The following GSE1 variants were observed in gnomAD, a reference collection of about 807,000 sequenced individuals.
GSE1 encodes Gse1 coiled-coil protein.
In GSE1, 32 loss-of-function variants were observed where a neutral mutation model predicts 112.6. That is an observed-to-expected ratio of 0.28 (90% CI 0.21 to 0.38). The LOEUF is 0.38. Ranked by LOEUF, GSE1 falls within the 10% of genes least tolerant of loss-of-function variation. The pLI is 1.00. For missense variants in GSE1, 2,348 were observed against 1,699.2 expected (o/e 1.38, Z -6.71); for synonymous variants, 1,115 against 735.6 (o/e 1.52, Z -8.35).
chr16:85,602,477 C>T (rs2047509945), intron 1 of GSE1, among the ~76,000 whole-genome samples: 1 of 152,144 alleles, frequency 6.6e-6, no homozygotes, highest in South Asian at 2.1e-4. Context: ...TAGAACCGCT[C>T]CTGGTCTGCC....
intron 1 of GSE1, among the ~76,000 whole-genome samples, chr16:85,184,125 G>T (rs150410273): frequency 6.6e-6 from 1 of 152,340 alleles, no homozygotes; most frequent in Non-Finnish European, 1.5e-5. Flanking sequence ...GGCTTCTGAG[G>T]ATCCTCTGCA....
chr16:85,610,150 CGCACCAGGCACCA>C (rs2047902168), upstream of GSE1, among the ~76,000 whole-genome samples: 1 of 152,196 alleles, frequency 6.6e-6, no homozygotes, highest in Non-Finnish European at 1.5e-5. Flanking sequence ...TGAGCAAACG[CGCACCAGGCACCA>C]GCATCCTGTT....
chr16:85,616,258 G>T (rs1191015280), intron 1 of GSE1, among the ~76,000 whole-genome samples: 1 of 152,262 alleles, frequency 6.6e-6, no homozygotes, highest in East Asian at 1.9e-4. Flanking sequence ...GAGGCGGACT[G>T]GGGGGCCTTT....
intron 2 of GSE1, among the ~76,000 whole-genome samples, chr16:85,487,113 C>T (rs2050866899): frequency 6.6e-6 from 1 of 152,142 alleles, no homozygotes; most frequent in Non-Finnish European, 1.5e-5. Context: ...AGCGGATGGG[C>T]TCTCTGTCCA....
At chr16:85,475,953 C>A (rs963120286) in intron 2 of GSE1, among the ~76,000 whole-genome samples, 4 of 151,944 alleles carry the variant, frequency 2.6e-5, no homozygotes, top group African/African-American at 9.7e-5. Context: ...ATTATTGAGA[C>A]ATGGTCTCTC....
At chr16:85,542,112 GT>G (rs78429171) in intron 2 of GSE1, among the ~76,000 whole-genome samples, 55,143 of 152,016 alleles carry the variant, frequency 0.36, 10,290 homozygotes, top group Middle Eastern at 0.49. Flanking sequence ...GACCTTCTGG[GT>G]TGGAGGAGGG....
At chr16:85,265,179 TAGC>T (rs1399104832) in intron 1 of GSE1, among the ~76,000 whole-genome samples, 1 of 152,178 alleles carries the variant, frequency 6.6e-6, no homozygotes, top group Non-Finnish European at 1.5e-5. Flanking sequence ...GGCAAACAAG[TAGC>T]AGAATTAGAA....
intron 2 of GSE1, among the ~76,000 whole-genome samples, chr16:85,454,763 C>A (rs1420766800): frequency 6.6e-6 from 1 of 152,136 alleles, no homozygotes; most frequent in African/African-American, 2.4e-5. Context: ...ACTCCAGGCT[C>A]TGCCTCCATC....
At chr16:85,525,107 C>T (rs1274191232) in intron 2 of GSE1, among the ~76,000 whole-genome samples, 1 of 152,192 alleles carries the variant, frequency 6.6e-6, no homozygotes, top group Non-Finnish European at 1.5e-5. Context: ...GTTTCGCCAG[C>T]CTCCTGGCCT....
At chr16:85,471,937 A>T (rs1597859476) in intron 2 of GSE1, among the ~76,000 whole-genome samples, 1 of 152,166 alleles carries the variant, frequency 6.6e-6, no homozygotes, top group African/African-American at 2.4e-5. Flanking sequence ...TCATGGGGGA[A>T]ATCTGATGAG....
chr16:85,292,893 G>T (rs965620402), intron 1 of GSE1, among the ~76,000 whole-genome samples: 19 of 152,214 alleles, frequency 1.2e-4, no homozygotes, highest in Non-Finnish European at 1.3e-4. Flanking sequence ...ATTACCTCTT[G>T]TGATGAATAG....
chr16:85,580,797 G>A (rs74031853), intron 1 of GSE1, among the ~76,000 whole-genome samples: 3,529 of 152,338 alleles, frequency 0.023, 146 homozygotes, highest in African/African-American at 0.079. Context: ...CAGAGAGTGC[G>A]CTGTCTCCGT....
At chr16:85,422,984 A>C (rs2048885593) in intron 2 of GSE1, among the ~76,000 whole-genome samples, 1 of 152,180 alleles carries the variant, frequency 6.6e-6, no homozygotes, top group Non-Finnish European at 1.5e-5. Flanking sequence ...CCTGGCTTTT[A>C]AATAGCACCT....
chr16:85,376,403 A>G (rs1330280187), intron 2 of GSE1, among the ~76,000 whole-genome samples: 2 of 152,114 alleles, frequency 1.3e-5, no homozygotes, highest in Non-Finnish European at 2.9e-5. Context: ...CTCCCGGCCC[A>G]TTAGGGCTGG....
intron 2 of GSE1, among the ~76,000 whole-genome samples, chr16:85,384,365 TC>T: frequency 6.6e-6 from 1 of 152,132 alleles, no homozygotes; most frequent in Non-Finnish European, 1.5e-5. Flanking sequence ...GGGCTCCACT[TC>T]CTCCCACCTC....
At chr16:85,577,294 C>G (rs918563872) in intron 1 of GSE1, among the ~76,000 whole-genome samples, 1 of 152,160 alleles carries the variant, frequency 6.6e-6, no homozygotes, top group Non-Finnish European at 1.5e-5. Context: ...GTGATCACCT[C>G]GAGGAGGGAG....
At chr16:85,615,134 C>T (rs1342539782) in intron 1 of GSE1, among the ~76,000 whole-genome samples, 1 of 152,218 alleles carries the variant, frequency 6.6e-6, no homozygotes, top group East Asian at 1.9e-4. Context: ...GTTGCTCACC[C>T]TGTGTTTACG....
intron 1 of GSE1, among the ~76,000 whole-genome samples, chr16:85,207,219 A>T (rs2075134074): frequency 6.6e-6 from 1 of 152,166 alleles, no homozygotes; most frequent in East Asian, 1.9e-4. Context: ...ACTGCTCCCC[A>T]GCAGAACCCC....
intron 2 of GSE1, among the ~76,000 whole-genome samples, chr16:85,391,657 T>C (rs919315686): frequency 6.6e-6 from 1 of 152,230 alleles, no homozygotes; most frequent in Non-Finnish European, 1.5e-5. Flanking sequence ...ACATTTTAAC[T>C]TGATGACATC....
Sources: allele counts gnomAD v4.1 joint callset (sites outside exome capture counted in the v4.1 genomes callset), GRCh38; gene constraint gnomAD v4.1.1; transcripts MANE v1.5; gene names NCBI Gene and HGNC (gene_info 2026-07-23, HGNC 2026-07-21).